ATCAY: variants seen among roughly 807,000 people sequenced by gnomAD.
ATCAY encodes caytaxin.
A neutral mutation model predicts 47.7 loss-of-function variants in ATCAY; 22 were observed. The ratio of observed to expected loss-of-function variants is 0.46; its 90% CI spans 0.33 to 0.66. The LOEUF is 0.66. Ranked by LOEUF, ATCAY falls within the 30% of genes least tolerant of loss-of-function variation. The pLI, the probability that ATCAY is intolerant of heterozygous loss-of-function variation, is 0.02. For missense variants in ATCAY, 452 were observed against 515.0 expected, an observed-to-expected ratio of 0.88 and a Z score of 1.18; for synonymous variants, 216 against 207.6, an observed-to-expected ratio of 1.04 and a Z score of -0.35.
intron 2 of ATCAY, among the ~76,000 whole-genome samples, chr19:3,902,066 A>G (rs2038820461): frequency 1.3e-5 from 2 of 152,088 alleles, no homozygotes; most frequent in Non-Finnish European, 2.9e-5. Flanking sequence ...TAATCCCAAC[A>G]CTTTGGGAGG....
intron 2 of ATCAY, among the ~76,000 whole-genome samples, chr19:3,889,880 G>A (rs1408028275): frequency 6.6e-6 from 1 of 151,782 alleles, no homozygotes; most frequent in East Asian, 1.9e-4. Flanking sequence ...CATCTCCAGC[G>A]TTATTACTAT....
At chr19:3,882,873 C>T (rs778194692) in intron 1 of ATCAY, among the ~76,000 whole-genome samples, 1 of 151,794 alleles carries the variant, frequency 6.6e-6, no homozygotes, top group Non-Finnish European at 1.5e-5. Context: ...CTGGTCTTGA[C>T]CTTCTGGGCT....
chr19:3,905,559 C>G lies in ATCAY; in HGVS notation c.262C>G (p.Pro88Ala). Residue 88 changes from proline (P) to alanine (A), a missense_variant, in exon 4 of 13, where the codon CCT becomes GCT. By Grantham distance (27) the Pro-to-Ala change is conservative. Coordinates refer to ENST00000450849, the MANE Select transcript of ATCAY (RefSeq NM_033064.5). Reference protein sequence around the residue: ...SLLSDDFLDTPDDLDINVDDI... With the variant: ...SLLSDDFLDTADDLDINVDDI... The stretch of plus-strand genomic sequence containing the variant: ...GCTGTCCGATGACTTCTTGGATACC[C>G]CTGATGACCTGGATATTAACGTGGA... 1 of 1,613,890 alleles carries G rather than the reference C, an allele frequency of 6.2e-7. No homozygotes were observed. The highest frequency in any genetic ancestry group is 2.2e-5 in the East Asian group (1 of 44,890).
chr19:3,885,880 G>T, intron 2 of ATCAY, 36 bp downstream of exon 2: 1 of 1,545,914 alleles, frequency 6.5e-7, no homozygotes, highest in Non-Finnish European at 8.7e-7. Context: ...ACCGTTGGGG[G>T]AGCAGGTGTC....
At chr19:3,902,941 C>CAA (rs2038827930) in intron 3 of ATCAY, among the ~76,000 whole-genome samples, 1 of 152,124 alleles carries the variant, frequency 6.6e-6, no homozygotes, top group East Asian at 1.9e-4. Flanking sequence ...TAAACATATA[C>CAA]ATTTTAATGT....
In ATCAY at chr19:3,907,015, T is replaced by C. The variant is rs2038866820; in HGVS notation, c.359-719T>C. On this transcript the variant is annotated intron_variant, in intron 4 of 12. Coordinates refer to ENST00000450849, the MANE Select transcript of ATCAY (RefSeq NM_033064.5). The surrounding 1 kb of genome is among the most constrained non-coding windows in gnomAD (Gnocchi z 5.1). The stretch of plus-strand genomic sequence containing the variant: ...TAGCCGGGCATGGTGGCGTGCGTAG[T>C]CCCAGCTACTCGGGAGGCTGAGGCA... Among the ~76,000 whole-genome samples the C allele has an allele frequency of 6.6e-6, 1 of 151,420 alleles. No individual in the cohort carries two copies. The highest frequency in any genetic ancestry group is 2.4e-5 in the African/African-American group (1 of 41,156).
At chr19:3,887,518 G>A (rs970322161) in intron 2 of ATCAY, among the ~76,000 whole-genome samples, 5 of 150,112 alleles carry the variant, frequency 3.3e-5, no homozygotes, top group Admixed American at 2.0e-4. Flanking sequence ...ACAGAGTGTC[G>A]CTTTGTCGCC....
chr19:3,893,573 G>C (rs116690820), intron 2 of ATCAY: 1 of 152,082 alleles, frequency 6.6e-6, no homozygotes, highest in Non-Finnish European at 1.5e-5. Context: ...GGGCCACGGA[G>C]GGGATCTCCA....
At chr19:3,921,626 G>A (rs1301858614) in intron 12 of ATCAY, among the ~76,000 whole-genome samples, 3 of 146,882 alleles carry the variant, frequency 2.0e-5, no homozygotes, top group African/African-American at 7.5e-5. Context: ...AGTTGGGTGT[G>A]GTGGCTCATG....
At position 3,925,517 on chromosome 19, in the gene ATCAY, T is replaced by C. The variant is rs1171914108; in HGVS notation, c.*925T>C. Reference sequence around the variant, plus strand: ...TACAGGGTATCGGGCGTTTGAGTGTTTCAGAAGTCATTCGGGAAGATAAAT... The same window carrying C: ...TACAGGGTATCGGGCGTTTGAGTGTCTCAGAAGTCATTCGGGAAGATAAAT... On this transcript the variant is annotated 3_prime_UTR_variant, in exon 13 of 13. Transcript: ENST00000450849. This position sits in a 1 kb window ranked among gnomAD's most constrained non-coding sequence, Gnocchi z 4.4. The C allele has an allele frequency of 6.6e-6, 1 of 152,202 alleles. No individual in the cohort carries two copies. The highest frequency in any genetic ancestry group is 1.5e-5 in the Non-Finnish European group (1 of 68,044). The allele number at this position is 152,202 out of a possible 1,614,324, so 9.4% of individuals were successfully genotyped here. A position where few individuals can be genotyped will look rare whatever the true frequency, so the allele number is the denominator to read the frequency against.
chr19:3,887,001 A>G (rs1178436271), intron 2 of ATCAY, among the ~76,000 whole-genome samples: 1 of 152,032 alleles, frequency 6.6e-6, no homozygotes, highest in South Asian at 2.1e-4. Flanking sequence ...AACATTTTGC[A>G]GGGACATCTT....
intron 2 of ATCAY, among the ~76,000 whole-genome samples, chr19:3,886,776 C>T (rs559297605): frequency 1.4e-5 from 2 of 147,534 alleles, no homozygotes; most frequent in African/African-American, 2.5e-5. Flanking sequence ...TGCAGTGGCA[C>T]GATCTCAGGT....
intron 9 of ATCAY, among the ~76,000 whole-genome samples, chr19:3,914,434 G>A (rs989013660): frequency 1.6e-4 from 24 of 151,830 alleles, no homozygotes; most frequent in Admixed American, 3.3e-4. Flanking sequence ...GGAAAGACCT[G>A]CCCCCATGAT....
At chr19:3,919,370 G>A (rs1053447388) in intron 11 of ATCAY, among the ~76,000 whole-genome samples, 1 of 151,230 alleles carries the variant, frequency 6.6e-6, no homozygotes, top group Non-Finnish European at 1.5e-5. Context: ...GAGGTGGGCC[G>A]ATCACAAGGC....
At position 3,924,984 on chromosome 19, in the gene ATCAY, G is replaced by A. The variant is rs988799770; in HGVS notation, c.*392G>A. Reference sequence around the variant, plus strand: ...AAGACCCTTCTCTTGCTTGTCACCCGCTCCAGGTTGGAGCCACAGACACCC... The same window carrying A: ...AAGACCCTTCTCTTGCTTGTCACCCACTCCAGGTTGGAGCCACAGACACCC... On this transcript the variant is annotated 3_prime_UTR_variant, in exon 13 of 13. Coordinates refer to ENST00000450849, the MANE Select transcript of ATCAY (RefSeq NM_033064.5). 19 of 178,572 alleles carry A rather than the reference G, an allele frequency of 1.1e-4. No homozygotes were observed. The highest frequency in any genetic ancestry group is 2.5e-3 in the Middle Eastern group (1 of 406). The allele number at this position is 178,572 out of a possible 1,614,324, so 11.1% of individuals were successfully genotyped here. A position where few individuals can be genotyped will look rare whatever the true frequency, so the allele number is the denominator to read the frequency against.
chr19:3,890,402 A>G (rs1037933686), intron 2 of ATCAY, among the ~76,000 whole-genome samples: 1 of 150,172 alleles, frequency 6.7e-6, no homozygotes, highest in Non-Finnish European at 1.5e-5. Flanking sequence ...AGCTGGGATT[A>G]CAGGCACACA....
At chr19:3,901,003 G>A (rs983694659) in intron 2 of ATCAY, among the ~76,000 whole-genome samples, 3 of 145,860 alleles carry the variant, frequency 2.1e-5, no homozygotes, top group South Asian at 2.2e-4. Context: ...CTGGGTTCAT[G>A]CCATTCTCCT....
rs1481252672 is a variant in ATCAY, at chr19:3,920,959, G to C, written c.1106+161G>C. On this transcript the variant is annotated intron_variant, in intron 12 of 12. Coordinates refer to ENST00000450849, the MANE Select transcript of ATCAY (RefSeq NM_033064.5). Reference sequence around the variant, plus strand: ...CAGGAAAACTGCCCCATGACTTATCGGGAGTGGGGGATACGGCACCGGGAA... The same window carrying C: ...CAGGAAAACTGCCCCATGACTTATCCGGAGTGGGGGATACGGCACCGGGAA... 4.9e-6 allele frequency: 4 copies of C among 813,496 alleles called. No homozygotes were observed. The South Asian group carries it at 5.8e-5, about 12-fold the overall frequency. 50.4% of individuals were successfully genotyped at this position (813,496 alleles called of 1,614,324 possible).
rs759721290 is a variant in ATCAY at position 3,915,157 on chromosome 19, C to G, written c.965+1301C>G. On this transcript the variant is annotated intron_variant, in intron 9 of 12. Transcript: ENST00000450849. ...CATAGAACTTCCCATCTTAGCCATT[C>G]CTTTTTTAATTTTATTTATTTATTT... Among the ~76,000 whole-genome samples, 27 of 152,044 alleles carry G rather than the reference C, an allele frequency of 1.8e-4. 1 individual carries two copies. The highest frequency in any genetic ancestry group is 2.9e-5 in the Non-Finnish European group (2 of 68,008).
Sources: allele counts gnomAD v4.1 joint callset (sites outside exome capture counted in the v4.1 genomes callset), GRCh38; gene constraint gnomAD v4.1.1; non-coding constraint Gnocchi (gnomAD v3.1); transcripts MANE v1.5; gene names NCBI Gene and HGNC (gene_info 2026-07-23, HGNC 2026-07-21).